B3GALT1: variants seen among roughly 807,000 people sequenced by gnomAD.
The protein encoded by B3GALT1 is beta-1,3-galactosyltransferase 1.
B3GALT1 carries 10 observed loss-of-function variants against 23.2 expected under a neutral mutation model. The observed-to-expected ratio is 0.43, with a 90% CI of 0.27 to 0.73. The LOEUF is 0.73. Among genes scored for constraint, B3GALT1 ranks in the 30% least tolerant of loss-of-function variants. The pLI is 0.21. For synonymous variants in B3GALT1, 156 were observed against 141.5 expected, an observed-to-expected ratio of 1.10 and a Z score of -0.73; for missense variants, 299 against 405.4, an observed-to-expected ratio of 0.74 and a Z score of 2.25.
At chr2:167,723,894 A>T (rs1316852798) in intron 3 of B3GALT1, among the ~76,000 whole-genome samples, 1 of 152,182 alleles carries the variant, frequency 6.6e-6, no homozygotes, top group Non-Finnish European at 1.5e-5. Context: ...GTTTGCTGAG[A>T]TTGGCCTATA....
At chr2:167,321,645 A>G (rs1696813644) in intron 1 of B3GALT1, among the ~76,000 whole-genome samples, 1 of 152,068 alleles carries the variant, frequency 6.6e-6, no homozygotes, top group South Asian at 2.1e-4. Context: ...TGTGCTGTCA[A>G]GATTTTTCTT....
chr2:167,450,239 G>A (rs1293667246), intron 1 of B3GALT1, among the ~76,000 whole-genome samples: 2 of 150,982 alleles, frequency 1.3e-5, no homozygotes, highest in African/African-American at 4.9e-5. Context: ...TTTTTTGTTG[G>A]CAATTTTTTT....
At chr2:167,545,208 T>C (rs1302657512) in intron 2 of B3GALT1, among the ~76,000 whole-genome samples, 1 of 151,828 alleles carries the variant, frequency 6.6e-6, no homozygotes, top group Non-Finnish European at 1.5e-5. Context: ...CTAATTTTTT[T>C]GTATTTTTAG....
At chr2:167,636,447 A>T (rs761530574) in intron 2 of B3GALT1, among the ~76,000 whole-genome samples, 19 of 152,054 alleles carry the variant, frequency 1.2e-4, no homozygotes, top group Non-Finnish European at 2.1e-4. Context: ...AGGATCTATA[A>T]CTAGAAATAC....
At chr2:167,700,515 G>T (rs1012862522) in intron 3 of B3GALT1, among the ~76,000 whole-genome samples, 1 of 152,118 alleles carries the variant, frequency 6.6e-6, no homozygotes, top group Admixed American at 6.5e-5. Flanking sequence ...CATTTTCTGA[G>T]ATTTCAAGTC....
intron 1 of B3GALT1, among the ~76,000 whole-genome samples, chr2:167,319,832 T>G (rs1696780373): frequency 6.6e-6 from 1 of 152,132 alleles, no homozygotes; most frequent in African/African-American, 2.4e-5. Flanking sequence ...TCTAAGCCTT[T>G]TGTTATGATT....
At chr2:167,396,592 G>A (rs1013962711) in intron 1 of B3GALT1, among the ~76,000 whole-genome samples, 3 of 149,446 alleles carry the variant, frequency 2.0e-5, no homozygotes, top group Non-Finnish European at 3.0e-5. Flanking sequence ...GGATGGAAAG[G>A]TTTATAATAT....
chr2:167,646,523 GT>G (rs1370748613), intron 2 of B3GALT1, among the ~76,000 whole-genome samples: 5 of 152,144 alleles, frequency 3.3e-5, no homozygotes, highest in African/African-American at 1.2e-4. Context: ...GTGAGTTGCT[GT>G]CTTTTGCTCT....
At chr2:167,624,733 G>A (rs1685312143) in intron 2 of B3GALT1, among the ~76,000 whole-genome samples, 1 of 152,004 alleles carries the variant, frequency 6.6e-6, no homozygotes, top group African/African-American at 2.4e-5. Context: ...GGAGGGATTT[G>A]GAGGCATTAT....
intron 3 of B3GALT1, among the ~76,000 whole-genome samples, chr2:167,733,087 C>T (rs903305877): frequency 6.6e-6 from 1 of 152,128 alleles, no homozygotes; most frequent in Non-Finnish European, 1.5e-5. Context: ...ATCTGTGACC[C>T]CTGTGAGGGC....
chr2:167,638,470 G>A (rs1347041950), intron 2 of B3GALT1, among the ~76,000 whole-genome samples: 1 of 152,028 alleles, frequency 6.6e-6, no homozygotes, highest in Non-Finnish European at 1.5e-5. Flanking sequence ...ATGTGTCACT[G>A]TACCACGCAG....
intron 1 of B3GALT1, among the ~76,000 whole-genome samples, chr2:167,341,249 C>T (rs1453667742): frequency 6.6e-6 from 1 of 151,930 alleles, no homozygotes; most frequent in Non-Finnish European, 1.5e-5. Flanking sequence ...GTACTTTATT[C>T]CAGGCTTCAG....
At chr2:167,404,301 A>ACCC in intron 1 of B3GALT1, among the ~76,000 whole-genome samples, 1 of 151,846 alleles carries the variant, frequency 6.6e-6, no homozygotes, top group South Asian at 2.1e-4. Context: ...CCCAAACACC[A>ACCC]CCCCCCCATT....
At chr2:167,727,666 A>G (rs1021276382) in intron 3 of B3GALT1, among the ~76,000 whole-genome samples, 16 of 152,226 alleles carry the variant, frequency 1.1e-4, no homozygotes, top group African/African-American at 3.6e-4. Flanking sequence ...AATAAGGTAT[A>G]TTTGAGAGGC....
At chr2:167,575,065 A>C (rs958670048) in intron 2 of B3GALT1, among the ~76,000 whole-genome samples, 1 of 151,770 alleles carries the variant, frequency 6.6e-6, no homozygotes, top group Non-Finnish European at 1.5e-5. Context: ...ACTTACAGAA[A>C]GTAGCTTACT....
At chr2:167,721,588 C>G (rs1481826987) in intron 3 of B3GALT1, among the ~76,000 whole-genome samples, 2 of 152,196 alleles carry the variant, frequency 1.3e-5, no homozygotes, top group African/African-American at 4.8e-5. Context: ...GAACAAGAAT[C>G]AGACCTCAAA....
At chr2:167,669,131 C>T (rs1237505541) in intron 3 of B3GALT1, among the ~76,000 whole-genome samples, 1 of 152,076 alleles carries the variant, frequency 6.6e-6, no homozygotes, top group African/African-American at 2.4e-5. Flanking sequence ...GGTCTGTATC[C>T]TTCACTCCTC....
chr2:167,296,251 A>T (rs1390001337), intron 1 of B3GALT1, among the ~76,000 whole-genome samples: 1 of 152,230 alleles, frequency 6.6e-6, no homozygotes, highest in African/African-American at 2.4e-5. Flanking sequence ...ATGAATAGCA[A>T]TGCTAATAGA....
intron 1 of B3GALT1, among the ~76,000 whole-genome samples, chr2:167,444,838 T>G (rs1698955709): frequency 6.6e-6 from 1 of 152,068 alleles, no homozygotes; most frequent in Admixed American, 6.5e-5. Context: ...GTTGATTTTT[T>G]GAAGAGTTTT....
Sources: gnomAD v4.1 joint callset for allele counts (sites outside exome capture counted in the v4.1 genomes callset) on GRCh38, gnomAD v4.1.1 for gene constraint, MANE v1.5 for transcripts, NCBI Gene and HGNC (gene_info 2026-07-23, HGNC 2026-07-21) for gene names.